Variants in PLCB1 observed in about 807,000 individuals in gnomAD.
PLCB1 encodes 1-phosphatidylinositol 4,5-bisphosphate phosphodiesterase beta-1.
Under a neutral mutation model 161.8 loss-of-function variants are expected in PLCB1, and 46 were observed. The observed-to-expected ratio is 0.28, with a 90% CI of 0.22 to 0.36. The LOEUF is 0.36. Ranked by LOEUF, PLCB1 falls within the 10% of genes least tolerant of loss-of-function variation. The probability of loss-of-function intolerance (pLI) is 1.00; values close to 1 mark genes in which losing one functional copy is unlikely to be tolerated. For missense variants in PLCB1, 1,016 were observed against 1,472.5 expected (o/e 0.69, Z 5.07); for synonymous variants, 517 against 503.7 (o/e 1.03, Z -0.35).
chr20:8,297,225 A>G (rs1600295083), intron 2 of PLCB1, among the ~76,000 whole-genome samples: 1 of 152,296 alleles, frequency 6.6e-6, no homozygotes, highest in Non-Finnish European at 1.5e-5. Flanking sequence ...CTATATGTGT[A>G]TATCTATATG....
intron 3 of PLCB1, among the ~76,000 whole-genome samples, chr20:8,580,056 C>G (rs907393140): frequency 2.0e-5 from 3 of 152,098 alleles, no homozygotes; most frequent in Non-Finnish European, 4.4e-5. Context: ...CTGAGTATGA[C>G]AGCCTAATGA....
intron 2 of PLCB1, among the ~76,000 whole-genome samples, chr20:8,190,344 TAG>T (rs1270419125): frequency 1.3e-5 from 2 of 152,160 alleles, no homozygotes; most frequent in African/African-American, 4.8e-5. Flanking sequence ...TGAAAGTATT[TAG>T]AGTTATTTTT....
At chr20:8,824,247 C>T (rs1985579308) in intron 31 of PLCB1, among the ~76,000 whole-genome samples, 1 of 152,094 alleles carries the variant, frequency 6.6e-6, no homozygotes, top group African/African-American at 2.4e-5. Flanking sequence ...CTGCATGAAT[C>T]AATGTCAGCT....
chr20:8,708,823 T>G, intron 12 of PLCB1, 71 bp downstream of exon 12: 1 of 894,118 alleles, frequency 1.1e-6, no homozygotes, highest in Non-Finnish European at 1.9e-6. Flanking sequence ...GTTTATCAGA[T>G]TTAAGATTAT....
chr20:8,464,613 G>A (rs1003948113), intron 3 of PLCB1, among the ~76,000 whole-genome samples: 3 of 152,136 alleles, frequency 2.0e-5, no homozygotes, highest in Non-Finnish European at 4.4e-5. Context: ...GGATGACTCA[G>A]CAGGTTTGTG....
intron 2 of PLCB1, among the ~76,000 whole-genome samples, chr20:8,252,731 A>G (rs950929570): frequency 1.3e-5 from 2 of 151,964 alleles, no homozygotes; most frequent in Admixed American, 6.6e-5. Context: ...TATATAGAGC[A>G]CTGAGTGTAG....
intron 16 of PLCB1, among the ~76,000 whole-genome samples, chr20:8,725,432 G>T (rs935611626): frequency 6.6e-6 from 1 of 152,082 alleles, no homozygotes; most frequent in East Asian, 1.9e-4. Flanking sequence ...TTATAAGGGT[G>T]TACCCTTAAA....
intron 27 of PLCB1, among the ~76,000 whole-genome samples, chr20:8,781,075 C>CT (rs11087824): frequency 0.32 from 49,393 of 152,012 alleles, 8,550 homozygotes; most frequent in East Asian, 0.49. Flanking sequence ...GCTCTCCCAG[C>CT]TATCTGGGAG....
At chr20:8,739,654 C>T (rs956779169) in intron 21 of PLCB1, among the ~76,000 whole-genome samples, 2 of 152,332 alleles carry the variant, frequency 1.3e-5, no homozygotes, top group Admixed American at 6.5e-5. Context: ...AGCCTGGGCT[C>T]CGCAGCATAG....
At chr20:8,376,360 A>G (rs559868288) in intron 3 of PLCB1, among the ~76,000 whole-genome samples, 3 of 152,360 alleles carry the variant, frequency 2.0e-5, no homozygotes, top group Non-Finnish European at 2.9e-5. Context: ...CCAGAATCAC[A>G]TAAGGTAGAT....
At chr20:8,184,307 TCTAGCAACAATTTCA>T (rs1195378155) in intron 2 of PLCB1, among the ~76,000 whole-genome samples, 1 of 152,156 alleles carries the variant, frequency 6.6e-6, no homozygotes, top group Non-Finnish European at 1.5e-5. Context: ...GTGGCTGAAC[TCTAGCAACAATTTCA>T]CTGCAGAATA....
intron 2 of PLCB1, among the ~76,000 whole-genome samples, chr20:8,349,111 A>G (rs371583764): frequency 7.9e-5 from 12 of 152,296 alleles, no homozygotes; most frequent in African/African-American, 2.9e-4. Flanking sequence ...AAACAATATT[A>G]AAAACTCCAT....
intron 2 of PLCB1, among the ~76,000 whole-genome samples, chr20:8,339,505 C>A (rs908835001): frequency 1.3e-5 from 2 of 152,210 alleles, no homozygotes; most frequent in Non-Finnish European, 2.9e-5. Context: ...TGCCTGACAA[C>A]CTTCCATTAA....
intron 31 of PLCB1, among the ~76,000 whole-genome samples, chr20:8,828,195 A>G (rs892475905): frequency 6.6e-6 from 1 of 152,192 alleles, no homozygotes; most frequent in African/African-American, 2.4e-5. Flanking sequence ...AACGTTGGCA[A>G]TAGCCTTTAA....
intron 2 of PLCB1, among the ~76,000 whole-genome samples, chr20:8,205,676 A>T (rs1026112684): frequency 1.5e-4 from 23 of 152,114 alleles, no homozygotes. Flanking sequence ...ATTACTATTA[A>T]TTTGCTTTAG....
intron 2 of PLCB1, among the ~76,000 whole-genome samples, chr20:8,247,235 T>C (rs1230796483): frequency 6.6e-6 from 1 of 151,926 alleles, no homozygotes; most frequent in Non-Finnish European, 1.5e-5. Context: ...TCATAAAGGG[T>C]TCATCACCTG....
chr20:8,240,977 T>G (rs1203692299), intron 2 of PLCB1, among the ~76,000 whole-genome samples: 1 of 152,008 alleles, frequency 6.6e-6, no homozygotes, highest in African/African-American at 2.4e-5. Flanking sequence ...TGCCAAATTA[T>G]GGGTTTTGGG....
intron 7 of PLCB1, among the ~76,000 whole-genome samples, chr20:8,656,803 A>AC (rs1025958898): frequency 2.0e-5 from 3 of 148,808 alleles, no homozygotes; most frequent in Non-Finnish European, 4.5e-5. Flanking sequence ...AAAAAAAAAA[A>AC]CCTAAAAATA....
chr20:8,618,803 T>C (rs992043876), intron 3 of PLCB1, among the ~76,000 whole-genome samples: 2 of 152,154 alleles, frequency 1.3e-5, no homozygotes, highest in Non-Finnish European at 2.9e-5. Flanking sequence ...CTTATAAAAG[T>C]AGACATCAAA....
Sources: allele counts gnomAD v4.1 joint callset (sites outside exome capture counted in the v4.1 genomes callset), GRCh38; gene constraint gnomAD v4.1.1; transcripts MANE v1.5; gene names NCBI Gene and HGNC (gene_info 2026-07-23, HGNC 2026-07-21).